The following SFRP1 variants were observed in gnomAD, a reference collection of about 807,000 sequenced individuals.
SFRP1 encodes the protein secreted frizzled-related protein 1.
SFRP1 carries 9 observed loss-of-function variants against 25.9 expected under a neutral mutation model. That is an observed-to-expected ratio of 0.35 (90% CI 0.21 to 0.61). The LOEUF (loss-of-function observed/expected upper bound fraction) is 0.61. Among genes scored for constraint, SFRP1 ranks in the 20% least tolerant of loss-of-function variants. The pLI is 0.78. For synonymous variants in SFRP1, 178 were observed against 174.0 expected, an observed-to-expected ratio of 1.02 and a Z score of -0.18; for missense variants, 346 against 418.2, an observed-to-expected ratio of 0.83 and a Z score of 1.51.
rs1322341429 is a variant in SFRP1, at chr8:41,309,302, G to A, written c.-143C>T. 57 of 1,015,098 alleles carry A rather than the reference G, an allele frequency of 5.6e-5. No homozygotes were observed. Among genetic ancestry groups the A allele is most frequent in the Non-Finnish European group, 7.0e-5 (56 of 801,726 alleles). 62.9% of individuals were successfully genotyped at this position (1,015,098 alleles called of 1,614,324 possible). ...CCCGGCTCCGCGGCCGCAAGCTGCT[G>A]CCCGGTCCCCCCGGCCAGTGGCGGC... On this transcript the variant is annotated 5_prime_UTR_variant, in exon 1 of 3. Coordinates refer to ENST00000220772, the MANE Select transcript of SFRP1 (RefSeq NM_003012.5).
intron 2 of SFRP1, among the ~76,000 whole-genome samples, chr8:41,282,126 C>T (rs1803641338): frequency 6.6e-6 from 1 of 152,204 alleles, no homozygotes; most frequent in African/African-American, 2.4e-5. Flanking sequence ...CCCACATCTG[C>T]CTCTCACTGT....
intron 2 of SFRP1, among the ~76,000 whole-genome samples, chr8:41,269,039 TG>T (rs1803470419): frequency 6.6e-6 from 1 of 152,352 alleles, no homozygotes; most frequent in South Asian, 2.1e-4. Flanking sequence ...ACTGCAGGCC[TG>T]GTGGATCGAC....
chr8:41,290,947 C>G (rs971375632), intron 2 of SFRP1, among the ~76,000 whole-genome samples: 4 of 85,676 alleles, frequency 4.7e-5, no homozygotes, highest in Non-Finnish European at 6.9e-5. Context: ...TGTTCTGTCA[C>G]CCAGGCTAGA....
intron 2 of SFRP1, among the ~76,000 whole-genome samples, chr8:41,273,188 A>G (rs1016791918): frequency 1.2e-4 from 19 of 152,190 alleles, no homozygotes; most frequent in African/African-American, 4.6e-4. Context: ...GAATTTTTTT[A>G]ATTTATAAAA....
At chr8:41,292,699 T>C (rs1243534802) in intron 2 of SFRP1, among the ~76,000 whole-genome samples, 1 of 152,204 alleles carries the variant, frequency 6.6e-6, no homozygotes, top group Non-Finnish European at 1.5e-5. Flanking sequence ...TGGATGTTGA[T>C]TCTAGTCAAC....
chr8:41,284,952 C>A (rs189734709), intron 2 of SFRP1, among the ~76,000 whole-genome samples: 1 of 152,226 alleles, frequency 6.6e-6, no homozygotes, highest in Non-Finnish European at 1.5e-5. Context: ...CTCTTCCCTA[C>A]GCCCCACAGA....
intron 2 of SFRP1, among the ~76,000 whole-genome samples, chr8:41,287,244 G>A (rs530767867): frequency 4.6e-5 from 7 of 152,328 alleles, no homozygotes; most frequent in African/African-American, 1.4e-4. Context: ...ACTTGAAGGG[G>A]TTATATAGGG....
intron 2 of SFRP1, chr8:41,298,341 AACTAGAAG>A (rs1441974027): frequency 2.0e-5 from 3 of 152,236 alleles, no homozygotes; most frequent in Admixed American, 2.0e-4. Context: ...ATTTCAAATT[AACTAGAAG>A]ACTAGATTTG....
rs1214973695 is a variant in SFRP1, at chr8:41,309,310, C to G, written c.-151G>C. The G allele has an allele frequency of 2.1e-6, 2 of 969,180 alleles. No individual in the cohort carries two copies. Among genetic ancestry groups the G allele is most frequent in the Non-Finnish European group, 2.6e-6 (2 of 761,046 alleles). The allele number at this position is 969,180 out of a possible 1,614,324, so 60.0% of individuals were successfully genotyped here. A position where few individuals can be genotyped will look rare whatever the true frequency, so the allele number is the denominator to read the frequency against. On this transcript the variant is annotated 5_prime_UTR_variant, in exon 1 of 3. Transcript: ENST00000220772. Reference sequence around the variant, plus strand: ...CGCGGCCGCAAGCTGCTGCCCGGTCCCCCCGGCCAGTGGCGGCCCTCGGCC... The same window carrying G: ...CGCGGCCGCAAGCTGCTGCCCGGTCGCCCCGGCCAGTGGCGGCCCTCGGCC...
At chr8:41,291,566 A>G (rs550086264) in intron 2 of SFRP1, among the ~76,000 whole-genome samples, 1 of 152,228 alleles carries the variant, frequency 6.6e-6, no homozygotes, top group East Asian at 1.9e-4. Flanking sequence ...TTCCTTGGAG[A>G]CCAGCTCCCT....
rs577091906 is a variant in SFRP1 at position 41,269,925 on chromosome 8, T to C, written c.623-4436A>G. Among the ~76,000 whole-genome samples, 15 of 152,334 alleles carry C rather than the reference T, an allele frequency of 9.8e-5. No individual in the cohort carries two copies. The South Asian group carries it at 2.9e-3, about 29-fold the overall frequency. ...GTCAGGTGAAAGGAAGAAGAGTTAC[T>C]GTAAATGCCACGGGAGGCCCCGCTG... is the stretch of plus-strand genomic sequence containing the variant. On this transcript the variant is annotated intron_variant, in intron 2 of 2. Transcript: ENST00000220772.
At chr8:41,281,133 C>G (rs988694321) in intron 2 of SFRP1, among the ~76,000 whole-genome samples, 1 of 152,176 alleles carries the variant, frequency 6.6e-6, no homozygotes, top group Admixed American at 6.5e-5. Flanking sequence ...TCTCCTGCCA[C>G]CTGCCAAGTG....
chr8:41,291,270 CTG>C (rs1803776558), intron 2 of SFRP1, among the ~76,000 whole-genome samples: 1 of 152,076 alleles, frequency 6.6e-6, no homozygotes, highest in Non-Finnish European at 1.5e-5. Context: ...CCCAGTGTCT[CTG>C]TGTTACCAAC....
At chr8:41,295,476 C>CAACCTCTTG (rs1188649170) in intron 2 of SFRP1, among the ~76,000 whole-genome samples, 1 of 151,226 alleles carries the variant, frequency 6.6e-6, no homozygotes, top group Non-Finnish European at 1.5e-5. Context: ...TTGCAATGAG[C>CAACCTCTTG]TAAGATCACA....
Position 41,308,749 on chromosome 8 carries a change from G to C in SFRP1, c.411C>G (p.Arg137=). 1 of 1,608,034 alleles carries C rather than the reference G, an allele frequency of 6.2e-7. No individual in the cohort carries two copies. The highest frequency in any genetic ancestry group is 8.5e-7 in the Non-Finnish European group (1 of 1,177,610). The part of the protein sequence containing the change: ...YPCRWLCEAV[R]DSCEPVMQFF... ...ACTGCATGACCGGCTCGCACGAGTC[G>C]CGCACGGCCTCGCAGAGCCAGCGAC... Residue 137 remains arginine (R), a synonymous_variant, in exon 1 of 3, where the codon CGC becomes CGG. Coordinates refer to ENST00000220772, the MANE Select transcript of SFRP1 (RefSeq NM_003012.5).
intron 2 of SFRP1, among the ~76,000 whole-genome samples, chr8:41,265,732 G>T (rs1441993312): frequency 1.3e-5 from 2 of 152,172 alleles, no homozygotes; most frequent in Non-Finnish European, 2.9e-5. Context: ...CGCCCAAGCA[G>T]CAATTACAGT....
At chr8:41,307,608 C>T (rs944780520) in intron 1 of SFRP1, among the ~76,000 whole-genome samples, 1 of 152,240 alleles carries the variant, frequency 6.6e-6, no homozygotes, top group Non-Finnish European at 1.5e-5. Context: ...CCTCTCCACA[C>T]CTCAGAGCCT....
In SFRP1 at chr8:41,265,138, G is replaced by GC; in HGVS notation, c.*28dup. Reference sequence around the variant, plus strand: ...CCCCCCCGCTCCCACCCCACCCGAGGCTCCCTCCCCACCCTGCCCCCGGGA... The same window carrying GC: ...CCCCCCCGCTCCCACCCCACCCGAGGCCTCCCTCCCCACCCTGCCCCCGGGA... On this transcript the variant is annotated 3_prime_UTR_variant, in exon 3 of 3. Coordinates refer to ENST00000220772, the MANE Select transcript of SFRP1 (RefSeq NM_003012.5). 1.2e-5 allele frequency: 6 copies of GC among 508,944 alleles called. No individual in the cohort carries two copies. Among genetic ancestry groups the GC allele is most frequent in the South Asian group, 4.0e-5 (2 of 50,516 alleles). The allele number at this position is 508,944 out of a possible 1,614,324, so 31.5% of individuals were successfully genotyped here. A position where few individuals can be genotyped will look rare whatever the true frequency, so the allele number is the denominator to read the frequency against.
At chr8:41,280,231 A>T (rs895035827) in intron 2 of SFRP1, among the ~76,000 whole-genome samples, 1 of 152,226 alleles carries the variant, frequency 6.6e-6, no homozygotes, top group African/African-American at 2.4e-5. Flanking sequence ...GCCCTGCCCG[A>T]GGCACACAAT....
Sources: allele counts gnomAD v4.1 joint callset (sites outside exome capture counted in the v4.1 genomes callset), GRCh38; gene constraint gnomAD v4.1.1; transcripts MANE v1.5; gene names NCBI Gene and HGNC (gene_info 2026-07-23, HGNC 2026-07-21).